WDPCP: variants seen among roughly 807,000 people sequenced by gnomAD.
WDPCP encodes WD repeat containing planar cell polarity effector.
Under a neutral mutation model 93.1 loss-of-function variants are expected in WDPCP, and 71 were observed. That is an observed-to-expected ratio of 0.76 (90% confidence interval 0.63 to 0.93). The LOEUF is 0.93. WDPCP is among the 40% of genes least tolerant of loss of function. WDPCP has a pLI of 0.00. For synonymous variants in WDPCP, 315 were observed against 315.0 expected (o/e 1.00, Z 0.00); for missense variants, 844 against 887.4 (o/e 0.95, Z 0.62).
At chr2:63,745,643 T>TAC (rs5831669) in intron 2 of WDPCP, among the ~76,000 whole-genome samples, 6,432 of 149,738 alleles carry the variant, frequency 0.043, 166 homozygotes, top group South Asian at 0.072. Flanking sequence ...TGCACGCACT[T>TAC]ACACACACAC....
chr2:63,663,858 T>C (rs1443616564), intron 2 of WDPCP, among the ~76,000 whole-genome samples: 1 of 152,162 alleles, frequency 6.6e-6, no homozygotes, highest in Non-Finnish European at 1.5e-5. Flanking sequence ...CATCATGCAT[T>C]TGTGGATTTT....
At chr2:63,353,589 C>G (rs1689789843) in intron 12 of WDPCP, among the ~76,000 whole-genome samples, 1 of 152,168 alleles carries the variant, frequency 6.6e-6, no homozygotes. Flanking sequence ...ATCCCCAGCA[C>G]AGCACAGCTG....
At chr2:63,588,780 C>A, upstream of WDPCP, 1 of 551,772 alleles carries the variant, frequency 1.8e-6, no homozygotes, top group Non-Finnish European at 3.2e-6. Flanking sequence ...GACTACTTTG[C>A]AATCGGCGCA....
At chr2:63,837,906 C>T in the WDPCP span, among the ~76,000 whole-genome samples, 2 of 152,112 alleles carry the variant, frequency 1.3e-5, no homozygotes, top group Non-Finnish European at 2.9e-5. Context: ...GAGTTTGAGA[C>T]AAGCCTGGCC....
intron 1 of WDPCP, among the ~76,000 whole-genome samples, chr2:63,507,578 A>G (rs1701961071): frequency 6.6e-6 from 1 of 152,130 alleles, no homozygotes; most frequent in Non-Finnish European, 1.5e-5. Flanking sequence ...TGGATGGAGA[A>G]TTAGTCTGAC....
chr2:63,419,092 C>G (rs1361574268), intron 9 of WDPCP, among the ~76,000 whole-genome samples: 1 of 152,032 alleles, frequency 6.6e-6, no homozygotes, highest in East Asian at 1.9e-4. Flanking sequence ...CTGGGATTTC[C>G]CAATTTCAAA....
intron 9 of WDPCP, among the ~76,000 whole-genome samples, chr2:63,428,864 T>A (rs1394636777): frequency 6.6e-6 from 1 of 152,252 alleles, no homozygotes; most frequent in African/African-American, 2.4e-5. Context: ...CAATAAGAAC[T>A]ACGAAATACT....
At chr2:63,328,554 G>A (rs1687743290) in intron 12 of WDPCP, among the ~76,000 whole-genome samples, 1 of 152,132 alleles carries the variant, frequency 6.6e-6, no homozygotes, top group Non-Finnish European at 1.5e-5. Flanking sequence ...GCAAGACCAT[G>A]AAGGAACAAA....
intron 3 of WDPCP, among the ~76,000 whole-genome samples, chr2:63,648,655 T>C (rs902766204): frequency 6.6e-6 from 1 of 152,154 alleles, no homozygotes; most frequent in Non-Finnish European, 1.5e-5. Flanking sequence ...GCTTTTTTCA[T>C]TAGTATAATT....
At chr2:63,561,658 C>A (rs544575465) in intron 1 of WDPCP, among the ~76,000 whole-genome samples, 1 of 152,026 alleles carries the variant, frequency 6.6e-6, no homozygotes, top group East Asian at 1.9e-4. Flanking sequence ...CTAGAATTTA[C>A]AAGGAACATA....
intron 3 of WDPCP, among the ~76,000 whole-genome samples, chr2:63,613,201 C>T (rs1048478463): frequency 1.3e-5 from 2 of 152,276 alleles, no homozygotes; most frequent in African/African-American, 4.8e-5. Flanking sequence ...GGGGAAAATC[C>T]CAAGAACTTT....
chr2:63,258,620 T>C (rs1212741942), intron 14 of WDPCP, among the ~76,000 whole-genome samples: 2 of 152,178 alleles, frequency 1.3e-5, no homozygotes, highest in Non-Finnish European at 2.9e-5. Context: ...CTGAGGGTTC[T>C]TTGCCTACTT....
At chr2:63,468,289 G>T (rs1415783699) in intron 6 of WDPCP, among the ~76,000 whole-genome samples, 1 of 152,070 alleles carries the variant, frequency 6.6e-6, no homozygotes, top group Non-Finnish European at 1.5e-5. Flanking sequence ...CTCTCACATG[G>T]CTAGTACTAT....
intron 2 of WDPCP, among the ~76,000 whole-genome samples, chr2:63,725,906 T>C (rs961117510): frequency 2.0e-5 from 3 of 152,080 alleles, no homozygotes; most frequent in African/African-American, 7.2e-5. Context: ...TTTTGTTTGT[T>C]AATTTTTTAA....
At chr2:63,397,899 G>A (rs952865517) in intron 10 of WDPCP, among the ~76,000 whole-genome samples, 6 of 152,148 alleles carry the variant, frequency 3.9e-5, no homozygotes, top group African/African-American at 1.4e-4. Context: ...AGCAACAGAT[G>A]GGAAACCATT....
chr2:63,278,448 A>AC (rs60654863), intron 13 of WDPCP, among the ~76,000 whole-genome samples: 123,550 of 152,090 alleles, frequency 0.81, 50,941 homozygotes, highest in East Asian at 0.96. Flanking sequence ...GAAACAACGC[A>AC]AAAAAAATAC....
rs904672081 is a variant in WDPCP at position 63,639,999 on chromosome 2, T to TTTTG, written n.488+10656_488+10659dup. On this transcript the variant is annotated intron_variant and non_coding_transcript_variant, in intron 3 of 4. Transcript: ENST00000467687. ...CAGAGAGATCAAGATTTAATGTTGT[T>TTTTG]TTTGTTTGTTTGTTTGTTTGTTTTT... Among the ~76,000 whole-genome samples, 345 of 152,172 alleles carry TTTTG rather than the reference T, an allele frequency of 2.3e-3. 1 individual carries two copies. The highest frequency in any genetic ancestry group is 7.5e-3 in the African/African-American group (310 of 41,528).
chr2:63,127,732 A>G (rs964142505), intron 17 of WDPCP, among the ~76,000 whole-genome samples: 7 of 148,244 alleles, frequency 4.7e-5, no homozygotes, highest in African/African-American at 1.5e-4. Context: ...CACACTCCCT[A>G]TTCTATATGT....
At chr2:63,139,001 T>C (rs114953115) in intron 17 of WDPCP, among the ~76,000 whole-genome samples, 1 of 152,322 alleles carries the variant, frequency 6.6e-6, no homozygotes, top group African/African-American at 2.4e-5. Context: ...GTCTCTAATC[T>C]CATCCAGATC....
Sources: gnomAD v4.1 joint callset for allele counts (sites outside exome capture counted in the v4.1 genomes callset) on GRCh38, gnomAD v4.1.1 for gene constraint, MANE v1.5 for transcripts, NCBI Gene and HGNC (gene_info 2026-07-23, HGNC 2026-07-21) for gene names.